Variants in MACROD2 observed in about 807,000 individuals in gnomAD.
The protein encoded by MACROD2 is mono-ADP ribosylhydrolase 2.
MACROD2 carries 36 observed loss-of-function variants against 70.4 expected under a neutral mutation model. That is an observed-to-expected ratio of 0.51 (90% CI 0.39 to 0.68). The LOEUF is 0.68. Ranked by LOEUF, MACROD2 falls within the 30% of genes least tolerant of loss-of-function variation. The probability of loss-of-function intolerance (pLI) is 0.00; values close to 1 mark genes in which losing one functional copy is unlikely to be tolerated. For missense variants in MACROD2, 496 were observed against 538.4 expected, an observed-to-expected ratio of 0.92 and a Z score of 0.78; for synonymous variants, 172 against 178.8, an observed-to-expected ratio of 0.96 and a Z score of 0.30.
intron 8 of MACROD2, among the ~76,000 whole-genome samples, chr20:15,666,337 T>C (rs1162704086): frequency 6.6e-6 from 1 of 152,204 alleles, no homozygotes; most frequent in African/African-American, 2.4e-5. Context: ...CCATCTTCTA[T>C]TCAATGTGAT....
intron 3 of MACROD2, among the ~76,000 whole-genome samples, chr20:14,332,821 T>C (rs1392008488): frequency 6.6e-6 from 1 of 152,134 alleles, no homozygotes; most frequent in Non-Finnish European, 1.5e-5. Flanking sequence ...TATACAATCA[T>C]AATTTAGAGT....
chr20:14,855,525 A>G (rs1019405297), intron 5 of MACROD2, among the ~76,000 whole-genome samples: 4 of 151,862 alleles, frequency 2.6e-5, no homozygotes, highest in African/African-American at 9.7e-5. Flanking sequence ...GTCCAACAAA[A>G]CAACATAACC....
At chr20:16,035,191 A>G (rs187313264) in intron 15 of MACROD2, among the ~76,000 whole-genome samples, 1 of 122,278 alleles carries the variant, frequency 8.2e-6, no homozygotes, top group Non-Finnish European at 1.6e-5. Flanking sequence ...TATTATATAT[A>G]AAATATAATA....
At chr20:14,098,983 A>G (rs2054265065) in intron 3 of MACROD2, among the ~76,000 whole-genome samples, 1 of 152,186 alleles carries the variant, frequency 6.6e-6, no homozygotes, top group Non-Finnish European at 1.5e-5. Flanking sequence ...GAATCCAGAT[A>G]AAAAAGCAGA....
intron 3 of MACROD2, among the ~76,000 whole-genome samples, chr20:14,183,014 G>A (rs548917164): frequency 6.7e-6 from 1 of 148,934 alleles, no homozygotes; most frequent in East Asian, 2.0e-4. Context: ...AGTGCAGTTT[G>A]TTGTCTGTAT....
intron 4 of MACROD2, among the ~76,000 whole-genome samples, chr20:14,656,917 A>G (rs1484426934): frequency 6.6e-6 from 1 of 152,118 alleles, no homozygotes; most frequent in African/African-American, 2.4e-5. Flanking sequence ...TAAGACGTAC[A>G]TGAGTGTCTT....
intron 8 of MACROD2, among the ~76,000 whole-genome samples, chr20:15,698,872 G>A (rs1362324513): frequency 6.6e-6 from 1 of 152,120 alleles, no homozygotes; most frequent in Non-Finnish European, 1.5e-5. Context: ...TTCTATTGCT[G>A]AGACTTTCCA....
chr20:15,948,382 C>CAAAAAAAAAAAAAAAAAAA (rs71192307), intron 12 of MACROD2, among the ~76,000 whole-genome samples: 5 of 43,128 alleles, frequency 1.2e-4, no homozygotes, highest in East Asian at 6.4e-4. Flanking sequence ...CTTGCAACTG[C>CAAAAAAAAAAAAAAAAAAA]AAAAAAAAAA....
At chr20:15,760,517 G>A (rs1438897551) in intron 8 of MACROD2, among the ~76,000 whole-genome samples, 1 of 152,134 alleles carries the variant, frequency 6.6e-6, no homozygotes, top group Non-Finnish European at 1.5e-5. Context: ...TGGTCATTGG[G>A]ACAGGAAAAC....
chr20:13,997,465 A>G (rs998877061), intron 1 of MACROD2, among the ~76,000 whole-genome samples: 4 of 152,232 alleles, frequency 2.6e-5, no homozygotes, highest in Non-Finnish European at 5.9e-5. Flanking sequence ...TGTTTTCAGT[A>G]ACATGAATCA....
At position 14,617,230 on chromosome 20, in the gene MACROD2, G is replaced by A. The variant is rs753045051; in HGVS notation, c.302-67613G>A. 1.1e-3 allele frequency among the ~76,000 whole-genome samples: 171 copies of A among 152,192 alleles called. 1 individual carries two copies. Among genetic ancestry groups the A allele is most frequent in the Non-Finnish European group, 2.0e-3 (138 of 67,986 alleles). On this transcript the variant is annotated intron_variant, in intron 4 of 17. Coordinates refer to ENST00000684519, the MANE Select transcript of MACROD2 (RefSeq NM_001351661.2). The stretch of plus-strand genomic sequence containing the variant: ...CTCTCTTTCTCGCTTTTAACTCCGA[G>A]ATTCAACATAGTTCTTTGAAATGAT...
intron 4 of MACROD2, among the ~76,000 whole-genome samples, chr20:14,545,896 T>C (rs1327884432): frequency 6.6e-6 from 1 of 152,204 alleles, no homozygotes; most frequent in Non-Finnish European, 1.5e-5. Flanking sequence ...TGTATACATG[T>C]GCACATATAT....
At chr20:15,977,772 T>G (rs2066330533) in intron 13 of MACROD2, among the ~76,000 whole-genome samples, 1 of 151,662 alleles carries the variant, frequency 6.6e-6, no homozygotes, top group South Asian at 2.1e-4. Context: ...ATCTAAAGAG[T>G]CATAAAGATA....
intron 5 of MACROD2, among the ~76,000 whole-genome samples, chr20:15,179,141 A>T (rs1040575698): frequency 4.6e-5 from 7 of 152,182 alleles, no homozygotes; most frequent in African/African-American, 1.7e-4. Flanking sequence ...GAGAGTATTG[A>T]CTGGTAGGTG....
At chr20:14,190,719 T>A (rs1488740744) in intron 3 of MACROD2, among the ~76,000 whole-genome samples, 7 of 114,498 alleles carry the variant, frequency 6.1e-5, no homozygotes, top group African/African-American at 2.5e-4. Context: ...TTTTTTTTTT[T>A]TTTTTTTTTC....
intron 10 of MACROD2, among the ~76,000 whole-genome samples, chr20:15,896,108 T>C (rs1312212105): frequency 6.6e-6 from 1 of 152,242 alleles, no homozygotes; most frequent in Non-Finnish European, 1.5e-5. Context: ...TGCTGATCAT[T>C]ACTCTCCTCT....
At chr20:14,484,618 CCTT>C (rs71335967) in intron 3 of MACROD2, among the ~76,000 whole-genome samples, 42,755 of 151,854 alleles carry the variant, frequency 0.28, 6,070 homozygotes, top group Admixed American at 0.32. Flanking sequence ...TGGTAACCAC[CCTT>C]CTTTTCTCCA....
intron 4 of MACROD2, among the ~76,000 whole-genome samples, chr20:14,635,499 G>A (rs533216964): frequency 1.3e-5 from 2 of 152,266 alleles, no homozygotes; most frequent in Non-Finnish European, 2.9e-5. Flanking sequence ...TCACAATAGT[G>A]TTCATAAATG....
intron 15 of MACROD2, among the ~76,000 whole-genome samples, chr20:15,998,091 GA>G (rs2066657054): frequency 6.6e-6 from 1 of 152,046 alleles, no homozygotes; most frequent in African/African-American, 2.4e-5. Context: ...GTAATTTGTT[GA>G]AATGTTTTCT....
Sources: gnomAD v4.1 joint callset for allele counts (sites outside exome capture counted in the v4.1 genomes callset) on GRCh38, gnomAD v4.1.1 for gene constraint, MANE v1.5 for transcripts, NCBI Gene and HGNC (gene_info 2026-07-23, HGNC 2026-07-21) for gene names.